The following LIPF variants were observed in gnomAD, a reference collection of about 807,000 sequenced individuals.
LIPF encodes lipase F, gastric type.
In LIPF, 25 loss-of-function variants were observed where a neutral mutation model predicts 38.0. The ratio of observed to expected loss-of-function variants is 0.66; its 90% CI spans 0.48 to 0.92. The LOEUF (loss-of-function observed/expected upper bound fraction) is 0.92. Ranked by LOEUF, LIPF falls within the 40% of genes least tolerant of loss-of-function variation. The pLI is 0.00. For missense variants in LIPF, 410 were observed against 469.9 expected (o/e 0.87, Z 1.18); for synonymous variants, 161 against 156.2 (o/e 1.03, Z -0.23).
At chr10:88,665,983 C>T (rs1004752606) in intron 1 of LIPF, among the ~76,000 whole-genome samples, 7 of 152,140 alleles carry the variant, frequency 4.6e-5, no homozygotes, top group African/African-American at 1.2e-4. Context: ...CTGATCCGCC[C>T]GCCTCGGCCT....
intron 9 of LIPF, among the ~76,000 whole-genome samples, chr10:88,676,748 G>A (rs1241770405): frequency 6.6e-6 from 1 of 152,204 alleles, no homozygotes; most frequent in Non-Finnish European, 1.5e-5. Flanking sequence ...TGCAGGTCAA[G>A]GCTGGAAATA....
chr10:88,666,258 A>G (rs1841511301), intron 1 of LIPF, among the ~76,000 whole-genome samples: 2 of 152,200 alleles, frequency 1.3e-5, no homozygotes, highest in Admixed American at 1.3e-4. Context: ...TTCCACTTGA[A>G]TCCAAAGATC....
At chr10:88,673,389 T>C (rs1309617933) in intron 6 of LIPF, among the ~76,000 whole-genome samples, 199 bp from the exon 7 acceptor site, 1 of 152,224 alleles carries the variant, frequency 6.6e-6, no homozygotes, top group Non-Finnish European at 1.5e-5. Flanking sequence ...AGATACCTAG[T>C]ATTGATATCT....
chr10:88,667,611 G>A lies in LIPF; in HGVS notation c.148G>A (p.Glu50Lys). Residue 50 changes from glutamate to lysine, a missense_variant, in exon 3 of 10, where the codon GAA becomes AAA. Physicochemically the swap from Glu to Lys is moderately conservative, Grantham distance 56 (BLOSUM62 1). Transcript: ENST00000238983. Reference sequence around the variant, plus strand: ...TTGGGGATACCCAAATGAAGAATATGAAGTTGTGACTGAAGATGGTTATAT... The same window carrying A: ...TTGGGGATACCCAAATGAAGAATATAAAGTTGTGACTGAAGATGGTTATAT... ...TYWGYPNEEY[E>K]VVTEDGYILE... 6.2e-7 allele frequency: 1 copy of A among 1,604,248 alleles called. No individual in the cohort carries two copies. Among genetic ancestry groups the A allele is most frequent in the African/African-American group, 1.3e-5 (1 of 74,848 alleles).
intron 1 of LIPF, among the ~76,000 whole-genome samples, chr10:88,665,854 C>T (rs928901691): frequency 2.0e-5 from 3 of 148,848 alleles, no homozygotes; most frequent in African/African-American, 7.4e-5. Context: ...AGGACTCTTG[C>T]GTCTCAGCCT....
At chr10:88,676,419 CTA>C (rs1032856263) in intron 9 of LIPF, 139 bp downstream of exon 9, 1 of 621,416 alleles carries the variant, frequency 1.6e-6, no homozygotes, top group African/African-American at 1.9e-5. Context: ...TCCCACATGA[CTA>C]TGCATTCCTG....
At chr10:88,669,600 AGATACT>A in intron 4 of LIPF, 2 of 341,486 alleles carry the variant, frequency 5.9e-6, no homozygotes, top group Non-Finnish European at 1.1e-5. Context: ...TCCCACCTAC[AGATACT>A]ATCTTGTTTG....
intron 2 of LIPF, 64 bp from the exon 3 acceptor site, chr10:88,667,505 T>A: frequency 1.9e-6 from 2 of 1,056,648 alleles, no homozygotes; most frequent in South Asian, 2.8e-5. Flanking sequence ...TAAACAGTAA[T>A]ATTCATTTAT....
rs71471111 is a variant in LIPF at position 88,672,625 on chromosome 10, A to AACACACACACACACACAC, written c.669+689_669+706dup. Reference sequence around the variant, plus strand: ...CCTAATTCTCTCACCCAGTAAAACCAACACACACACACACACACACACACA... The same window carrying AACACACACACACACACAC: ...CCTAATTCTCTCACCCAGTAAAACCAACACACACACACACACACACACACACACACACACACACACACA... On this transcript the variant is annotated intron_variant, in intron 6 of 9. Coordinates refer to ENST00000238983, the MANE Select transcript of LIPF (RefSeq NM_004190.4). Among the ~76,000 whole-genome samples the AACACACACACACACACAC allele has an allele frequency of 2.3e-5, 3 of 130,960 alleles. No homozygotes were observed. The East Asian group carries it at 6.6e-4, about 29-fold the overall frequency. 85.9% of individuals were successfully genotyped at this position (130,960 alleles called of 152,430 possible).
At position 88,673,742 on chromosome 10, in the gene LIPF, T is replaced by C. The variant is rs1841641545; in HGVS notation, c.816+8T>C. 6.2e-7 allele frequency: 1 copy of C among 1,602,022 alleles called. No individual in the cohort carries two copies. Among genetic ancestry groups the C allele is most frequent in the Non-Finnish European group, 8.5e-7 (1 of 1,173,704 alleles). ...AGTAAGAACTTTAACACGGTTAGTATGCATTTCAATTTCTATATTTTGAGC... is the reference window on the plus strand; with the variant it reads ...AGTAAGAACTTTAACACGGTTAGTACGCATTTCAATTTCTATATTTTGAGC... On this transcript the variant is annotated splice_region_variant and intron_variant, in intron 7 of 9. Coordinates refer to ENST00000238983, the MANE Select transcript of LIPF (RefSeq NM_004190.4).
In LIPF at chr10:88,669,918, T is replaced by C. The variant is rs1841569300; in HGVS notation, c.504T>C (p.Tyr168=). Residue 168 remains tyrosine, a synonymous_variant, in exon 5 of 10, where the codon TAT becomes TAC. Transcript: ENST00000238983. ...AAACTGGACAGAAGCAGCTACACTATGTTGGCCATTCCCAGGGCACCACCA... is the reference window on the plus strand; with the variant it reads ...AAACTGGACAGAAGCAGCTACACTACGTTGGCCATTCCCAGGGCACCACCA... ...VKKTGQKQLH[Y]VGHSQGTTIG... is the part of the protein sequence containing the mutation. The C allele has an allele frequency of 6.2e-7, 1 of 1,612,946 alleles. No homozygotes were observed. The highest frequency in any genetic ancestry group is 8.5e-7 in the Non-Finnish European group (1 of 1,179,172).
chr10:88,675,578 A>ATTTCTAGAG lies in LIPF; in HGVS notation c.817-6_819dup. The ATTTCTAGAG allele has an allele frequency of 6.2e-7, 1 of 1,601,990 alleles. No individual in the cohort carries two copies. Among genetic ancestry groups the ATTTCTAGAG allele is most frequent in the Non-Finnish European group, 8.6e-7 (1 of 1,169,430 alleles). On this transcript the variant is annotated splice_polypyrimidine_tract_variant and splice_region_variant and intron_variant, in intron 7 of 9. Coordinates refer to ENST00000238983, the MANE Select transcript of LIPF (RefSeq NM_004190.4). ...ATGTATATAATATGTGTGTCTGTTG[A>ATTTCTAGAG]TTTCTAGAGTCGCTTGGATGTGTAT...
At chr10:88,667,240 G>A in intron 1 of LIPF, 47 bp from the exon 2 acceptor site, 1 of 1,043,792 alleles carries the variant, frequency 9.6e-7, no homozygotes, top group South Asian at 1.4e-5. Context: ...TAAGCATTAT[G>A]AAAGTATAAT....
chr10:88,674,521 G>A (rs139541810), intron 7 of LIPF, among the ~76,000 whole-genome samples: 9 of 152,298 alleles, frequency 5.9e-5, no homozygotes, highest in East Asian at 5.8e-4. Flanking sequence ...TTGAGTTGGA[G>A]TTTCAAAACA....
At chr10:88,667,768 C>A in intron 3 of LIPF, 82 bp downstream of exon 3, 1 of 636,746 alleles carries the variant, frequency 1.6e-6, no homozygotes, top group Non-Finnish European at 2.8e-6. Context: ...CTCCTTTCTT[C>A]CTCCAACTTT....
At chr10:88,676,173 A>C in intron 8 of LIPF, 36 bp from the exon 9 acceptor site, 1 of 1,252,148 alleles carries the variant, frequency 8.0e-7, no homozygotes, top group East Asian at 2.4e-5. Flanking sequence ...CAATATAATA[A>C]TTTTTATTTG....
chr10:88,677,755 TTC>T (rs1388809795), intron 9 of LIPF, among the ~76,000 whole-genome samples: 1 of 152,230 alleles, frequency 6.6e-6, no homozygotes, highest in Non-Finnish European at 1.5e-5. Flanking sequence ...TTTGAGATAA[TTC>T]TCTTATTCCT....
chr10:88,665,101 T>C (rs1841491723), intron 1 of LIPF, among the ~76,000 whole-genome samples: 1 of 152,154 alleles, frequency 6.6e-6, no homozygotes, highest in Non-Finnish European at 1.5e-5. Context: ...CCTTTGGAAA[T>C]AGACTAGTTT....
intron 5 of LIPF, among the ~76,000 whole-genome samples, chr10:88,670,493 C>T (rs1177724834): frequency 6.6e-6 from 1 of 152,222 alleles, no homozygotes; most frequent in Admixed American, 6.5e-5. Flanking sequence ...AACACAAGCA[C>T]TCTTTGGGTA....
Sources: gnomAD v4.1 joint callset for allele counts (sites outside exome capture counted in the v4.1 genomes callset) on GRCh38, gnomAD v4.1.1 for gene constraint, MANE v1.5 for transcripts, NCBI Gene and HGNC (gene_info 2026-07-23, HGNC 2026-07-21) for gene names.